The following CTNNA2 variants were observed in gnomAD, a reference collection of about 807,000 sequenced individuals.
CTNNA2 encodes catenin alpha 2.
A neutral mutation model predicts 101.0 loss-of-function variants in CTNNA2; 42 were observed. That is an observed-to-expected ratio of 0.42 (90% confidence interval 0.32 to 0.54). The LOEUF (loss-of-function observed/expected upper bound fraction) is 0.54. CTNNA2 is among the 20% of genes least tolerant of loss of function. The pLI is 0.14. For synonymous variants in CTNNA2, 450 were observed against 456.4 expected (o/e 0.99, Z 0.18); for missense variants, 871 against 1,223.1 (o/e 0.71, Z 4.29).
intron 7 of CTNNA2, among the ~76,000 whole-genome samples, chr2:80,126,538 C>T (rs778798839): frequency 6.6e-6 from 1 of 151,306 alleles, no homozygotes; most frequent in African/African-American, 2.4e-5. Flanking sequence ...TCTTAGGTTA[C>T]TTTCTTCTTT....
At chr2:80,217,694 T>C (rs895166647) in intron 7 of CTNNA2, among the ~76,000 whole-genome samples, 2 of 152,232 alleles carry the variant, frequency 1.3e-5, no homozygotes, top group Non-Finnish European at 2.9e-5. Flanking sequence ...TTATAAAAAC[T>C]GTGTAATGAT....
intron 3 of CTNNA2, among the ~76,000 whole-genome samples, chr2:79,322,214 G>A (rs564005872): frequency 2.6e-5 from 4 of 152,300 alleles, no homozygotes; most frequent in African/African-American, 9.6e-5. Context: ...CATCAACAAG[G>A]GCTGGAAGAC....
At chr2:80,070,693 G>A (rs939472850) in intron 7 of CTNNA2, among the ~76,000 whole-genome samples, 1 of 148,638 alleles carries the variant, frequency 6.7e-6, no homozygotes, top group South Asian at 2.2e-4. Context: ...CTGCAGCCTC[G>A]GCAAACAGAG....
rs1168027172 is a variant in CTNNA2, at chr2:79,205,762, T to C, written c.-406+7686T>C. Among the ~76,000 whole-genome samples the C allele has an allele frequency of 6.4e-4, 98 of 152,332 alleles. 1 individual carries two copies. The highest frequency in any genetic ancestry group is 4.4e-5 in the Non-Finnish European group (3 of 68,028). On this transcript the variant is annotated intron_variant, in intron 2 of 21. Coordinates refer to the CTNNA2 transcript ENST00000466387. Reference sequence around the variant, plus strand: ...TGGGAAAGGTCAATGAAACAGAGCATACTTGCCTATAAATATCTTTTTCCT... The same window carrying C: ...TGGGAAAGGTCAATGAAACAGAGCACACTTGCCTATAAATATCTTTTTCCT...
chr2:79,252,560 A>G (rs1674786621), intron 2 of CTNNA2, among the ~76,000 whole-genome samples: 1 of 152,108 alleles, frequency 6.6e-6, no homozygotes. Flanking sequence ...CCAATTTCCC[A>G]GGACCATTTC....
chr2:79,729,289 A>T (rs1195798422), intron 2 of CTNNA2, among the ~76,000 whole-genome samples: 1 of 152,098 alleles, frequency 6.6e-6, no homozygotes, highest in Non-Finnish European at 1.5e-5. Flanking sequence ...TACAGAGCTA[A>T]GTTCCTTAAA....
chr2:80,566,800 G>A (rs1246111176), intron 12 of CTNNA2, among the ~76,000 whole-genome samples: 5 of 152,188 alleles, frequency 3.3e-5, no homozygotes, highest in African/African-American at 4.8e-5. Flanking sequence ...TCAAAGATCA[G>A]TGTGCATGCC....
At chr2:79,863,928 C>T (rs983771330) in intron 4 of CTNNA2, among the ~76,000 whole-genome samples, 2 of 152,036 alleles carry the variant, frequency 1.3e-5, no homozygotes, top group Non-Finnish European at 2.9e-5. Flanking sequence ...AATTGCACAG[C>T]GGGGCATACT....
intron 2 of CTNNA2, among the ~76,000 whole-genome samples, chr2:79,231,362 C>T (rs991741926): frequency 9.9e-5 from 15 of 152,162 alleles, no homozygotes; most frequent in Non-Finnish European, 2.2e-4. Context: ...ACTTTTGCTT[C>T]CTCCTCATTC....
At chr2:80,175,701 A>G (rs1390381895) in intron 7 of CTNNA2, among the ~76,000 whole-genome samples, 2 of 152,082 alleles carry the variant, frequency 1.3e-5, no homozygotes, top group Admixed American at 6.5e-5. Flanking sequence ...GTGAAGTCCC[A>G]CGATAGGCTG....
intron 4 of CTNNA2, among the ~76,000 whole-genome samples, chr2:79,406,933 C>T (rs1314726838): frequency 6.6e-6 from 1 of 152,012 alleles, no homozygotes; most frequent in Non-Finnish European, 1.5e-5. Context: ...CTCCTCAACT[C>T]TATGATTTCA....
chr2:79,644,824 T>C (rs897538116), intron 1 of CTNNA2, among the ~76,000 whole-genome samples: 7 of 152,202 alleles, frequency 4.6e-5, no homozygotes, highest in African/African-American at 9.7e-5. Context: ...GGCTGGCTCC[T>C]CTTTTTTTCA....
intron 7 of CTNNA2, among the ~76,000 whole-genome samples, chr2:80,232,337 GTTTGTTTGTTTTT>G (rs1709271341): frequency 2.2e-5 from 1 of 45,094 alleles, no homozygotes; most frequent in African/African-American, 1.6e-4. Context: ...TTGTTTGTTT[GTTTGTTTGTTTTT>G]TTTTTTTTTT....
chr2:79,220,513 G>T lies in CTNNA2; in HGVS notation c.-406+22437G>T, dbSNP rs535317951. 4.9e-3 allele frequency among the ~76,000 whole-genome samples: 745 copies of T among 152,224 alleles called. 2 individuals are homozygous for T. The highest frequency in any genetic ancestry group is 7.2e-3 in the Non-Finnish European group (491 of 68,016). On this transcript the variant is annotated intron_variant, in intron 2 of 21. Coordinates refer to the CTNNA2 transcript ENST00000466387. ...GTAAGAATTACAGGCCACAGAGACA[G>T]GCCACAGGAGTGCATGTTGTGGGCA...
chr2:80,454,959 C>T (rs1210330888), intron 9 of CTNNA2, among the ~76,000 whole-genome samples: 1 of 152,272 alleles, frequency 6.6e-6, no homozygotes, highest in African/African-American at 2.4e-5. Flanking sequence ...AATCAGAGCT[C>T]AGTCCCTTCT....
intron 7 of CTNNA2, among the ~76,000 whole-genome samples, chr2:80,082,715 C>G (rs1028194169): frequency 1.3e-5 from 2 of 151,976 alleles, no homozygotes; most frequent in Admixed American, 6.6e-5. Context: ...ATTAGATGAC[C>G]AGAATATGAT....
At chr2:79,934,644 C>T (rs1375186329) in intron 7 of CTNNA2, among the ~76,000 whole-genome samples, 1 of 152,176 alleles carries the variant, frequency 6.6e-6, no homozygotes, top group Non-Finnish European at 1.5e-5. Context: ...GACTGGTTGC[C>T]TCTTCTGTGA....
At chr2:80,020,993 C>CTTTTTTTTTTTTT (rs869061321) in intron 7 of CTNNA2, among the ~76,000 whole-genome samples, 1 of 89,352 alleles carries the variant, frequency 1.1e-5, no homozygotes, top group East Asian at 3.4e-4. Context: ...GACCAATCAT[C>CTTTTTTTTTTTTT]TTTTTTTTTT....
chr2:80,434,787 T>C (rs1397754343), intron 9 of CTNNA2, among the ~76,000 whole-genome samples: 1 of 152,048 alleles, frequency 6.6e-6, no homozygotes, highest in East Asian at 1.9e-4. Context: ...AGGCAGAGAA[T>C]TGGGAAAGAA....
Sources: allele counts gnomAD v4.1 joint callset (sites outside exome capture counted in the v4.1 genomes callset), GRCh38; gene constraint gnomAD v4.1.1; transcripts MANE v1.5; gene names NCBI Gene and HGNC (gene_info 2026-07-23, HGNC 2026-07-21).